SORCS1: variants seen among roughly 807,000 people sequenced by gnomAD.
SORCS1 encodes the protein sortilin related VPS10 domain containing receptor 1.
In SORCS1, 60 loss-of-function variants were observed where a neutral mutation model predicts 146.1. That is an observed-to-expected ratio of 0.41 (90% CI 0.33 to 0.51). The LOEUF (loss-of-function observed/expected upper bound fraction) is 0.51. SORCS1 is among the 20% of genes least tolerant of loss of function. SORCS1 has a pLI of 0.21. For synonymous variants in SORCS1, 637 were observed against 584.0 expected (o/e 1.09, Z -1.31); for missense variants, 1,352 against 1,487.6 (o/e 0.91, Z 1.50).
At position 106,574,836 on chromosome 10, in the gene SORCS1, C is replaced by T. The variant is rs911779371; in HGVS notation, c.*2584G>A. ...CTTTGAGGAGAGGCACATGAGGATC[C>T]TGGAGATGCTGAATCTCTAGCTGGC... On this transcript the variant is annotated 3_prime_UTR_variant, in exon 26 of 26. Transcript: ENST00000263054. The T allele has an allele frequency of 4.6e-5, 7 of 152,534 alleles. No homozygotes were observed. Among genetic ancestry groups the T allele is most frequent in the African/African-American group, 1.4e-4 (6 of 41,424 alleles). The allele number at this position is 152,534 out of a possible 1,614,324, so 9.4% of individuals were successfully genotyped here. A position where few individuals can be genotyped will look rare whatever the true frequency, so the allele number is the denominator to read the frequency against.
At chr10:107,018,349 A>AT (rs1299624729) in intron 1 of SORCS1, among the ~76,000 whole-genome samples, 194 of 146,844 alleles carry the variant, frequency 1.3e-3, no homozygotes, top group Admixed American at 2.2e-3. Flanking sequence ...TAATTTTTTT[A>AT]TTTTTTTTTT....
chr10:106,839,885 A>T (rs1396823910), intron 2 of SORCS1, among the ~76,000 whole-genome samples: 1 of 152,222 alleles, frequency 6.6e-6, no homozygotes, highest in Non-Finnish European at 1.5e-5. Flanking sequence ...ATGATAGCAC[A>T]TCTGTTTACA....
rs74154806 is a variant in SORCS1, at chr10:106,996,880, C to T, written c.559-40300G>A. ...TATCTTGCAGTTATAAAGTAATATC[C>T]ATGTTTTTTTTTCTAAAAATGAAAG... On this transcript the variant is annotated intron_variant, in intron 1 of 25. Transcript: ENST00000263054. Among the ~76,000 whole-genome samples, 823 of 151,956 alleles carry T rather than the reference C, an allele frequency of 5.4e-3. 12 individuals carry two copies. The highest frequency in any genetic ancestry group is 0.019 in the African/African-American group (783 of 41,348).
At chr10:106,590,069 A>C (rs749230474) in intron 24 of SORCS1, among the ~76,000 whole-genome samples, 1 of 152,172 alleles carries the variant, frequency 6.6e-6, no homozygotes, top group East Asian at 1.9e-4. Context: ...TATACTAATT[A>C]TGAATATTTG....
At chr10:106,622,237 C>T (rs553566555) in intron 19 of SORCS1, among the ~76,000 whole-genome samples, 12 of 140,980 alleles carry the variant, frequency 8.5e-5, no homozygotes, top group Non-Finnish European at 1.2e-4. Flanking sequence ...TTACGGTGAG[C>T]CAAGATCACA....
intron 8 of SORCS1, among the ~76,000 whole-genome samples, chr10:106,705,323 G>A (rs774856197): frequency 6.6e-6 from 1 of 152,142 alleles, no homozygotes; most frequent in Non-Finnish European, 1.5e-5. Context: ...CTTTCACTAC[G>A]TTAGGGTGAG....
At chr10:106,680,142 G>A (rs1490103471) in intron 10 of SORCS1, among the ~76,000 whole-genome samples, 1 of 152,144 alleles carries the variant, frequency 6.6e-6, no homozygotes, top group African/African-American at 2.4e-5. Context: ...AATCATGAAT[G>A]ACTCCAAAAA....
chr10:106,612,106 TG>T, intron 21 of SORCS1, 83 bp from the exon 22 acceptor site: 1 of 1,077,974 alleles, frequency 9.3e-7, no homozygotes. Context: ...TTATACAAAA[TG>T]GAGGGTCCTT....
At chr10:107,178,685 G>A in the SORCS1 span, among the ~76,000 whole-genome samples, 17 of 151,902 alleles carry the variant, frequency 1.1e-4, 1 homozygote, top group Middle Eastern at 6.8e-3. Context: ...GATAGGTTTC[G>A]CCTTGTTGGC....
At chr10:107,016,598 T>C (rs770537959) in intron 1 of SORCS1, among the ~76,000 whole-genome samples, 2 of 152,150 alleles carry the variant, frequency 1.3e-5, no homozygotes, top group Non-Finnish European at 2.9e-5. Context: ...TAAAACAAAA[T>C]CTTTGTGACC....
At chr10:106,849,158 C>A (rs1471097926) in intron 2 of SORCS1, among the ~76,000 whole-genome samples, 4 of 147,694 alleles carry the variant, frequency 2.7e-5, no homozygotes, top group South Asian at 2.3e-4. Flanking sequence ...GGAAGTTCTC[C>A]TGGATAATAT....
At chr10:106,996,225 TA>T (rs376245294) in intron 1 of SORCS1, among the ~76,000 whole-genome samples, 4,024 of 99,260 alleles carry the variant, frequency 0.041, 158 homozygotes, top group African/African-American at 0.15. Context: ...AGACTCCATC[TA>T]AAAAAAAAAA....
At chr10:106,736,378 G>C (rs1292590511) in intron 5 of SORCS1, among the ~76,000 whole-genome samples, 1 of 152,136 alleles carries the variant, frequency 6.6e-6, no homozygotes, top group Admixed American at 6.5e-5. Context: ...ACCTGCAGAG[G>C]AACAGAGGCT....
chr10:107,124,582 A>C lies in SORCS1; in HGVS notation c.558+39387T>G, dbSNP rs115659102. ...TAATGGCATCAATTCTTCCCTGCAA[A>C]CATTTTGCTGGGAACTGGTGGTCGA... On this transcript the variant is annotated intron_variant, in intron 1 of 25. Coordinates refer to ENST00000263054, the MANE Select transcript of SORCS1 (RefSeq NM_052918.5). 4.8e-3 allele frequency among the ~76,000 whole-genome samples: 738 copies of C among 152,242 alleles called. 4 individuals are homozygous for C. The highest frequency in any genetic ancestry group is 0.016 in the African/African-American group (677 of 41,542).
intron 18 of SORCS1, among the ~76,000 whole-genome samples, chr10:106,631,657 C>T (rs895024995): frequency 6.6e-6 from 1 of 152,168 alleles, no homozygotes; most frequent in African/African-American, 2.4e-5. Flanking sequence ...GAGCATCAGG[C>T]AGGGGCCATC....
intron 5 of SORCS1, among the ~76,000 whole-genome samples, chr10:106,760,316 C>T (rs951025536): frequency 5.3e-5 from 8 of 151,576 alleles, no homozygotes; most frequent in African/African-American, 1.7e-4. Context: ...TGATGGTGGG[C>T]GCCTGTAGTC....
chr10:106,703,177 T>A lies in SORCS1; in HGVS notation c.1233+3368A>T, dbSNP rs564468304. On this transcript the variant is annotated intron_variant, in intron 8 of 25. Coordinates refer to ENST00000263054, the MANE Select transcript of SORCS1 (RefSeq NM_052918.5). ...TTGTTGTGAATCTAAGCTCCTTATT[T>A]AAAAAAAAAAAAAATAAAGAAAAGA... Among the ~76,000 whole-genome samples the A allele has an allele frequency of 2.4e-3, 341 of 142,554 alleles. 4 individuals are homozygous for A. The highest frequency in any genetic ancestry group is 8.0e-3 in the African/African-American group (314 of 39,038). The allele number at this position is 142,554 out of a possible 152,430, so 93.5% of individuals were successfully genotyped here. A position where few individuals can be genotyped will look rare whatever the true frequency, so the allele number is the denominator to read the frequency against.
chr10:106,921,961 C>T (rs1276218317), intron 2 of SORCS1, among the ~76,000 whole-genome samples: 1 of 152,192 alleles, frequency 6.6e-6, no homozygotes, highest in Non-Finnish European at 1.5e-5. Context: ...CATCGTGCTG[C>T]ATCTCATACC....
At chr10:106,692,198 T>C (rs1000947689) in intron 9 of SORCS1, among the ~76,000 whole-genome samples, 1 of 152,072 alleles carries the variant, frequency 6.6e-6, no homozygotes, top group Non-Finnish European at 1.5e-5. Flanking sequence ...CACACCACTA[T>C]GCCCAGCTAA....
Sources: allele counts gnomAD v4.1 joint callset (sites outside exome capture counted in the v4.1 genomes callset), GRCh38; gene constraint gnomAD v4.1.1; transcripts MANE v1.5; gene names NCBI Gene and HGNC (gene_info 2026-07-23, HGNC 2026-07-21).